The following SH3GL2 variants were observed in gnomAD, a reference collection of about 807,000 sequenced individuals.
SH3GL2 encodes SH3 domain containing GRB2 like 2, endophilin A1, also known as endophilin-A1.
A neutral mutation model predicts 46.0 loss-of-function variants in SH3GL2; 24 were observed. The observed-to-expected ratio is 0.52, with a 90% CI of 0.38 to 0.73. The LOEUF is 0.73. Among genes scored for constraint, SH3GL2 ranks in the 30% least tolerant of loss-of-function variants. The pLI, the probability that SH3GL2 is intolerant of heterozygous loss-of-function variation, is 0.00. For synonymous variants in SH3GL2, 196 were observed against 147.1 expected (o/e 1.33, Z -2.40); for missense variants, 413 against 424.2 (o/e 0.97, Z 0.23).
chr9:17,639,771 A>G (rs145095440), intron 1 of SH3GL2, among the ~76,000 whole-genome samples: 136 of 152,342 alleles, frequency 8.9e-4, no homozygotes, highest in African/African-American at 3.2e-3. Context: ...TGTCTGTACT[A>G]TTGAATATTA....
At chr9:17,663,183 A>G (rs1820265037) in intron 1 of SH3GL2, among the ~76,000 whole-genome samples, 1 of 152,234 alleles carries the variant, frequency 6.6e-6, no homozygotes, top group Non-Finnish European at 1.5e-5. Context: ...TCTTTTAAAT[A>G]AATGTGTCTG....
intron 3 of SH3GL2, among the ~76,000 whole-genome samples, chr9:17,783,161 A>C (rs1204141718): frequency 2.0e-5 from 3 of 152,074 alleles, no homozygotes; most frequent in Non-Finnish European, 4.4e-5. Flanking sequence ...ACAGTCTTAC[A>C]AATGAGAGAT....
intron 1 of SH3GL2, among the ~76,000 whole-genome samples, chr9:17,695,143 C>G (rs1821171676): frequency 6.6e-6 from 1 of 152,178 alleles, no homozygotes; most frequent in Non-Finnish European, 1.5e-5. Flanking sequence ...ATTCTGTCCC[C>G]TGGCTGCTTT....
chr9:17,775,024 C>G (rs1823602005), intron 3 of SH3GL2, among the ~76,000 whole-genome samples: 1 of 152,060 alleles, frequency 6.6e-6, no homozygotes, highest in African/African-American at 2.4e-5. Context: ...TTTTGTGTTT[C>G]TAAGAGTTTG....
chr9:17,657,834 A>G (rs563167030), intron 1 of SH3GL2, among the ~76,000 whole-genome samples: 3 of 152,304 alleles, frequency 2.0e-5, no homozygotes, highest in South Asian at 2.1e-4. Context: ...AGTAAATATT[A>G]GCTCTCATTT....
At chr9:17,772,021 G>A (rs190718897) in intron 3 of SH3GL2, among the ~76,000 whole-genome samples, 16 of 152,156 alleles carry the variant, frequency 1.1e-4, no homozygotes, top group Admixed American at 5.2e-4. Flanking sequence ...CTGTCATTTC[G>A]TAATTGTTAG....
At chr9:17,601,811 A>T (rs920173816) in intron 1 of SH3GL2, among the ~76,000 whole-genome samples, 1 of 152,168 alleles carries the variant, frequency 6.6e-6, no homozygotes, top group Non-Finnish European at 1.5e-5. Flanking sequence ...GGGTATGGTC[A>T]CTGGGGAAGA....
intron 3 of SH3GL2, among the ~76,000 whole-genome samples, chr9:17,778,466 A>G (rs1823707659): frequency 6.6e-6 from 1 of 152,158 alleles, no homozygotes; most frequent in Non-Finnish European, 1.5e-5. Context: ...TGAGAACAAT[A>G]AAGTGCCATG....
chr9:17,688,059 C>T (rs979911624), intron 1 of SH3GL2, among the ~76,000 whole-genome samples: 4 of 152,064 alleles, frequency 2.6e-5, no homozygotes, highest in African/African-American at 9.7e-5. Flanking sequence ...CTTCTGCTCC[C>T]TGCTTTCACC....
intron 1 of SH3GL2, among the ~76,000 whole-genome samples, chr9:17,694,354 C>G (rs1405397672): frequency 6.6e-6 from 1 of 152,052 alleles, no homozygotes; most frequent in South Asian, 2.1e-4. Flanking sequence ...TACTAAGAGT[C>G]TGGTGTTGAT....
chr9:17,592,265 T>C (rs945339411), intron 1 of SH3GL2, among the ~76,000 whole-genome samples: 3 of 152,212 alleles, frequency 2.0e-5, no homozygotes, highest in African/African-American at 7.2e-5. Flanking sequence ...CCTCAAGCGA[T>C]TGGATGTCTG....
intron 1 of SH3GL2, among the ~76,000 whole-genome samples, chr9:17,692,913 C>A (rs1369245108): frequency 6.6e-6 from 1 of 151,998 alleles, no homozygotes; most frequent in African/African-American, 2.4e-5. Flanking sequence ...GTGGAAACCC[C>A]TGATAAACCC....
chr9:17,749,258 A>G (rs1822778883), intron 2 of SH3GL2, among the ~76,000 whole-genome samples: 1 of 152,174 alleles, frequency 6.6e-6, no homozygotes, highest in African/African-American at 2.4e-5. Flanking sequence ...ATAATATTTT[A>G]CCCATTCATC....
intron 1 of SH3GL2, among the ~76,000 whole-genome samples, chr9:17,688,498 G>T (rs1319401051): frequency 6.6e-6 from 1 of 152,026 alleles, no homozygotes; most frequent in Non-Finnish European, 1.5e-5. Flanking sequence ...CAGAGATCGT[G>T]AGCACACCTA....
At chr9:17,761,181 A>G (rs1416027633) in intron 2 of SH3GL2, among the ~76,000 whole-genome samples, 3 of 152,198 alleles carry the variant, frequency 2.0e-5, no homozygotes, top group Non-Finnish European at 4.4e-5. Flanking sequence ...CCAGAAGGTA[A>G]TGAATTATAT....
intron 3 of SH3GL2, among the ~76,000 whole-genome samples, chr9:17,770,464 G>C (rs1254886267): frequency 2.6e-5 from 4 of 152,114 alleles, no homozygotes; most frequent in Non-Finnish European, 5.9e-5. Flanking sequence ...GTGTACTCTA[G>C]GGTGACTTGT....
intron 1 of SH3GL2, among the ~76,000 whole-genome samples, chr9:17,651,197 A>G (rs765859315): frequency 6.6e-6 from 1 of 151,944 alleles, no homozygotes; most frequent in African/African-American, 2.4e-5. Flanking sequence ...TGTCTAAGCC[A>G]TTTTTTTCTC....
intron 1 of SH3GL2, among the ~76,000 whole-genome samples, chr9:17,673,517 A>G (rs1820527918): frequency 6.6e-6 from 1 of 151,926 alleles, no homozygotes; most frequent in South Asian, 2.1e-4. Context: ...ATACGCAACC[A>G]TGATTTTCTT....
At chr9:17,689,599 C>G (rs906636586) in intron 1 of SH3GL2, among the ~76,000 whole-genome samples, 1 of 151,770 alleles carries the variant, frequency 6.6e-6, no homozygotes, top group African/African-American at 2.4e-5. Context: ...GTCTTAGCCC[C>G]TCCTCCTTAG....
Sources: allele counts gnomAD v4.1 joint callset (sites outside exome capture counted in the v4.1 genomes callset), GRCh38; gene constraint gnomAD v4.1.1; transcripts MANE v1.5; gene names NCBI Gene and HGNC (gene_info 2026-07-23, HGNC 2026-07-21).